Variants in TAF2 observed in about 807,000 individuals in gnomAD.
The protein encoded by TAF2 is transcription initiation factor TFIID subunit 2.
Under a neutral mutation model 138.5 loss-of-function variants are expected in TAF2, and 61 were observed. That is an observed-to-expected ratio of 0.44 (90% CI 0.36 to 0.54). TAF2 has a LOEUF of 0.54. TAF2 is among the 20% of genes least tolerant of loss of function. TAF2 has a pLI of 0.00. For missense variants in TAF2, 1,090 were observed against 1,427.9 expected (o/e 0.76, Z 3.81); for synonymous variants, 475 against 469.9 (o/e 1.01, Z -0.14).
chr8:119,824,209 T>C (rs2131265204), intron 2 of TAF2, among the ~76,000 whole-genome samples: 1 of 152,104 alleles, frequency 6.6e-6, no homozygotes, highest in Middle Eastern at 3.4e-3. Flanking sequence ...GGCAGGTGGA[T>C]CACGAGGTCA....
chr8:119,810,466 A>G (rs1399659283), intron 3 of TAF2, among the ~76,000 whole-genome samples: 1 of 152,196 alleles, frequency 6.6e-6, no homozygotes, highest in African/African-American at 2.4e-5. Context: ...TTGTGTACAG[A>G]TTTTTGTGTG....
At chr8:119,792,526 G>A (rs151119698) in intron 10 of TAF2, among the ~76,000 whole-genome samples, 1,683 of 152,216 alleles carry the variant, frequency 0.011, 32 homozygotes, top group African/African-American at 0.038. Context: ...ATTCTGATTA[G>A]TACCACACTA....
intron 4 of TAF2, among the ~76,000 whole-genome samples, chr8:119,805,756 A>T (rs1234893291): frequency 6.6e-6 from 1 of 152,138 alleles, no homozygotes; most frequent in East Asian, 1.9e-4. Context: ...CAACGGTGAA[A>T]TAAATTGCTT....
intron 3 of TAF2, among the ~76,000 whole-genome samples, chr8:119,813,529 T>C (rs1825241399): frequency 6.6e-6 from 1 of 152,188 alleles, no homozygotes; most frequent in Admixed American, 6.5e-5. Flanking sequence ...TTAGTCCAAA[T>C]AGGAAGAACC....
chr8:119,760,791 GT>G (rs1407631803), intron 19 of TAF2, 53 bp from the exon 20 acceptor site: 2 of 1,609,190 alleles, frequency 1.2e-6, no homozygotes, highest in African/African-American at 2.7e-5. Context: ...TTATGAATCA[GT>G]TTGTTTCCTA....
intron 2 of TAF2, among the ~76,000 whole-genome samples, chr8:119,825,278 T>C (rs973243131): frequency 5.3e-5 from 8 of 152,368 alleles, no homozygotes; most frequent in Non-Finnish European, 1.2e-4. Flanking sequence ...AGCCCCTTTG[T>C]TTTGGCTAAT....
At chr8:119,803,621 G>A (rs1380035087) in intron 5 of TAF2, among the ~76,000 whole-genome samples, 3 of 151,820 alleles carry the variant, frequency 2.0e-5, no homozygotes, top group Non-Finnish European at 4.4e-5. Flanking sequence ...GAACCCAGGA[G>A]GCACAGGTTG....
chr8:119,811,266 G>A (rs1825034960), intron 3 of TAF2, among the ~76,000 whole-genome samples: 4 of 152,240 alleles, frequency 2.6e-5, no homozygotes, highest in African/African-American at 7.2e-5. Context: ...ATAATCATTT[G>A]TCAAATAAAG....
At chr8:119,795,269 A>G (rs1823743231) in intron 9 of TAF2, among the ~76,000 whole-genome samples, 1 of 152,160 alleles carries the variant, frequency 6.6e-6, no homozygotes, top group African/African-American at 2.4e-5. Flanking sequence ...CGACTACTAT[A>G]AGGAGCTGGG....
chr8:119,814,011 C>G (rs1047295733), intron 3 of TAF2, among the ~76,000 whole-genome samples: 1 of 152,014 alleles, frequency 6.6e-6, no homozygotes, highest in Non-Finnish European at 1.5e-5. Context: ...ATTGTTCCAG[C>G]TACTCGAGAA....
At chr8:119,811,972 GT>G (rs889237612) in intron 3 of TAF2, among the ~76,000 whole-genome samples, 24 of 150,860 alleles carry the variant, frequency 1.6e-4, no homozygotes, top group African/African-American at 3.7e-4. Flanking sequence ...CAACTTTTTT[GT>G]TTTTTTTTAA....
intron 3 of TAF2, among the ~76,000 whole-genome samples, chr8:119,815,764 C>A (rs532801617): frequency 1.4e-4 from 21 of 152,234 alleles, no homozygotes; most frequent in African/African-American, 4.1e-4. Context: ...CCTGTGGAGA[C>A]AATCTACAAT....
At chr8:119,801,531 C>T (rs147022730) in intron 6 of TAF2, among the ~76,000 whole-genome samples, 2 of 151,566 alleles carry the variant, frequency 1.3e-5, no homozygotes, top group Admixed American at 1.3e-4. Context: ...TGGGTTCAAG[C>T]CATTCTCCTG....
chr8:119,782,658 T>G (rs1475750587), intron 16 of TAF2, among the ~76,000 whole-genome samples: 2 of 152,238 alleles, frequency 1.3e-5, no homozygotes, highest in African/African-American at 4.8e-5. Context: ...GACAAAGTTT[T>G]GTCTGCATTT....
At chr8:119,776,526 CAA>C (rs148890953) in intron 18 of TAF2, among the ~76,000 whole-genome samples, 1 of 138,478 alleles carries the variant, frequency 7.2e-6, no homozygotes. Flanking sequence ...ACTAAAAATA[CAA>C]AAAAAAAAAA....
Position 119,732,126 on chromosome 8 carries a change from A to G in TAF2, c.3398T>C (p.Val1133Ala), listed in dbSNP as rs1156291272. 1 of 1,614,166 alleles carries G rather than the reference A, an allele frequency of 6.2e-7. No homozygotes were observed. The highest frequency in any genetic ancestry group is 1.7e-5 in the Admixed American group (1 of 60,022). Residue 1133 changes from valine to alanine, a missense_variant, in exon 26 of 26, where the codon GTC (valine) becomes GCC (alanine). This residue lies in a region of TAF2 where 580 missense variants were observed against 719.6 expected (regional missense o/e 0.81). Transcript: ENST00000378164. ...GGAGGCTGTAGATTCCTTAGTAAAG[A>G]CTGAGAGTGGAGCGCTTGCCGCTGG... is the stretch of plus-strand genomic sequence containing the variant. ...MHPAASAPLS[V>A]FTKESTASKH...
chr8:119,796,628 C>A (rs1311058805), intron 8 of TAF2, among the ~76,000 whole-genome samples: 1 of 152,008 alleles, frequency 6.6e-6, no homozygotes, highest in Non-Finnish European at 1.5e-5. Flanking sequence ...TTATAGAATT[C>A]ATTCAGTTCT....
chr8:119,826,899 G>A (rs7815389), intron 2 of TAF2, among the ~76,000 whole-genome samples: 46,705 of 151,956 alleles, frequency 0.31, 8,460 homozygotes, highest in African/African-American at 0.5. Context: ...TCCTTCTTAA[G>A]ATATGTTTTT....
At chr8:119,750,717 T>C (rs1820294152) in intron 22 of TAF2, among the ~76,000 whole-genome samples, 1 of 152,182 alleles carries the variant, frequency 6.6e-6, no homozygotes, top group African/African-American at 2.4e-5. Context: ...CCTTCTGATG[T>C]TAATATCAAA....
Sources: allele counts gnomAD v4.1 joint callset (sites outside exome capture counted in the v4.1 genomes callset), GRCh38; gene constraint gnomAD v4.1.1; regional missense constraint gnomAD v4.1.1; transcripts MANE v1.5; gene names NCBI Gene and HGNC (gene_info 2026-07-23, HGNC 2026-07-21).